The following SEMA4D variants were observed in gnomAD, a reference collection of about 807,000 sequenced individuals.
The protein encoded by SEMA4D is semaphorin-4D.
Under a neutral mutation model 74.8 loss-of-function variants are expected in SEMA4D, and 22 were observed. That is an observed-to-expected ratio of 0.29 (90% CI 0.21 to 0.42). SEMA4D has a LOEUF of 0.42. Among genes scored for constraint, SEMA4D ranks in the 10% least tolerant of loss-of-function variants. The pLI, the probability that SEMA4D is intolerant of heterozygous loss-of-function variation, is 1.00. For missense variants in SEMA4D, 937 were observed against 1,118.4 expected (o/e 0.84, Z 2.31); for synonymous variants, 445 against 463.7 (o/e 0.96, Z 0.52).
At chr9:89,371,112 G>T (rs1374559201) in intron 16 of SEMA4D, among the ~76,000 whole-genome samples, 3 of 93,716 alleles carry the variant, frequency 3.2e-5, no homozygotes, top group East Asian at 9.1e-4. Flanking sequence ...GGTGTGTGTG[G>T]GGGGGTGTGG....
chr9:89,437,916 G>GTATAGCTAC (rs1850811017), intron 2 of SEMA4D, among the ~76,000 whole-genome samples: 1 of 152,212 alleles, frequency 6.6e-6, no homozygotes, highest in Non-Finnish European at 1.5e-5. Flanking sequence ...CAGTCCCAAG[G>GTATAGCTAC]ATGAGCCATC....
downstream of SEMA4D, among the ~76,000 whole-genome samples, chr9:89,374,231 C>A (rs1835491586): frequency 1.3e-5 from 2 of 152,228 alleles, no homozygotes; most frequent in Admixed American, 6.5e-5. Flanking sequence ...TGGCAAAGGA[C>A]TGCCCTCCTC....
At chr9:89,489,212 T>G (rs1210925738) in intron 1 of SEMA4D, among the ~76,000 whole-genome samples, 14 of 152,228 alleles carry the variant, frequency 9.2e-5, no homozygotes, top group Admixed American at 9.2e-4. Flanking sequence ...GTTTGCCAGA[T>G]TTTTAATCAA....
Position 89,365,248 on chromosome 9 carries a change from T to C in SEMA4D, c.1883-1298A>G, listed in dbSNP as rs1380649217. On this transcript the variant is annotated intron_variant, in intron 16 of 18. Transcript: ENST00000339861. ...AGGCCCTGGAGGGCAGGTGAGGGGG[T>C]GCAGGTGCTCCTTCTGTCTCTGAAG... is the stretch of plus-strand genomic sequence containing the variant. The C allele has an allele frequency of 2.0e-5, 3 of 152,254 alleles. No individual in the cohort carries two copies. In the East Asian group the frequency reaches 5.8e-4, roughly 29 times the overall value. The allele number at this position is 152,254 out of a possible 1,614,324, so 9.4% of individuals were successfully genotyped here.
At chr9:89,398,466 C>T (rs1372484900) in intron 5 of SEMA4D, among the ~76,000 whole-genome samples, 1 of 152,210 alleles carries the variant, frequency 6.6e-6, no homozygotes, top group Non-Finnish European at 1.5e-5. Context: ...CTCCACCATC[C>T]TTTAAGTGTC....
chr9:89,477,271 C>A (rs1212947856), intron 1 of SEMA4D, among the ~76,000 whole-genome samples: 1 of 144,492 alleles, frequency 6.9e-6, no homozygotes, highest in Non-Finnish European at 1.6e-5. Context: ...CACACACACA[C>A]AAATGCTCAC....
At chr9:89,400,741 G>A (rs1040658141) in intron 4 of SEMA4D, among the ~76,000 whole-genome samples, 5 of 151,668 alleles carry the variant, frequency 3.3e-5, no homozygotes, top group South Asian at 2.1e-4. Flanking sequence ...TCTTGATCAC[G>A]TTTGCAGGGA....
At chr9:89,385,474 C>T in intron 13 of SEMA4D, 1 of 985,416 alleles carries the variant, frequency 1.0e-6, no homozygotes, top group Non-Finnish European at 1.2e-6. Context: ...ATCTCCAGGG[C>T]TCCCTTTGTG....
chr9:89,447,504 C>A (rs569140425), intron 2 of SEMA4D, among the ~76,000 whole-genome samples: 7 of 152,166 alleles, frequency 4.6e-5, no homozygotes, highest in African/African-American at 1.7e-4. Context: ...TGCTCCCCGA[C>A]CCCCACCATG....
At chr9:89,467,496 A>G (rs6559356) in intron 1 of SEMA4D, among the ~76,000 whole-genome samples, 118,171 of 138,966 alleles carry the variant, frequency 0.85, 50,994 homozygotes, top group Non-Finnish European at 0.93. Context: ...AATCCGGGGG[A>G]GTGGGGGAGG....
chr9:89,390,862 G>A, intron 9 of SEMA4D, among the ~76,000 whole-genome samples: 1 of 152,164 alleles, frequency 6.6e-6, no homozygotes, highest in East Asian at 1.9e-4. Context: ...TTAAAGATTT[G>A]TGTTTTGACA....
chr9:89,449,093 C>G (rs983519685), intron 2 of SEMA4D, among the ~76,000 whole-genome samples: 6 of 152,180 alleles, frequency 3.9e-5, no homozygotes, highest in African/African-American at 1.4e-4. Flanking sequence ...GCCCGGATAG[C>G]ACGGGGCCTT....
Position 89,379,336 on chromosome 9 carries a change from C to T in SEMA4D, c.1957G>A (p.Val653Ile), listed in dbSNP as rs753165801. The T allele has an allele frequency of 1.9e-5, 30 of 1,614,170 alleles. No homozygotes were observed. Among genetic ancestry groups the T allele is most frequent in the African/African-American group, 9.3e-5 (7 of 75,048 alleles). Reference protein sequence around the residue: ...VLEVKVVPKPVVAPTLSVVQT... With the variant: ...VLEVKVVPKPIVAPTLSVVQT... ...ACAACTGACAAGGTGGGGGCCACTA[C>T]GGGCTTTGGAACCACCTTCACTTCC... Residue 653 changes from valine to isoleucine, a missense_variant, in exon 16 of 16, where the codon GTA (valine) becomes ATA (isoleucine). By Grantham distance (29) the Val-to-Ile change is conservative. Transcript: ENST00000422704.
At chr9:89,373,287 C>T (rs1404471611), downstream of SEMA4D, among the ~76,000 whole-genome samples, 1 of 152,208 alleles carries the variant, frequency 6.6e-6, no homozygotes, top group African/African-American at 2.4e-5. Context: ...CACCCCGATC[C>T]CCTTTCAGGA....
intron 1 of SEMA4D, among the ~76,000 whole-genome samples, chr9:89,466,679 A>G (rs1434701661): frequency 6.6e-6 from 1 of 152,236 alleles, no homozygotes; most frequent in African/African-American, 2.4e-5. Context: ...TGCAATTAGT[A>G]CACAGTAATT....
At chr9:89,396,930 C>T (rs1841093775) in intron 5 of SEMA4D, 95 bp from the exon 6 acceptor site, 2 of 1,095,218 alleles carry the variant, frequency 1.8e-6, no homozygotes, top group Non-Finnish European at 2.7e-6. Context: ...GGGCACAGAC[C>T]CACATTCACC....
chr9:89,383,207 C>T (rs1837592210), intron 13 of SEMA4D, among the ~76,000 whole-genome samples: 1 of 152,134 alleles, frequency 6.6e-6, no homozygotes, highest in Non-Finnish European at 1.5e-5. Context: ...TCTGTCCCTG[C>T]AAATAAGCAT....
In SEMA4D at chr9:89,405,576, G is replaced by A; in HGVS notation, c.-120C>T. ...GGACCAGGGCCAGCAGCACAGCCTG[G>A]AGCTCGTGAACAGCGCGGTCCCTGA... On this transcript the variant is annotated 5_prime_UTR_variant, in exon 3 of 16. Coordinates refer to ENST00000422704, the MANE Select transcript of SEMA4D (RefSeq NM_001371194.2). The A allele has an allele frequency of 6.7e-7, 1 of 1,501,324 alleles. No homozygotes were observed. Among genetic ancestry groups the A allele is most frequent in the Non-Finnish European group, 8.9e-7 (1 of 1,128,964 alleles). The allele number at this position is 1,501,324 out of a possible 1,614,324, so 93.0% of individuals were successfully genotyped here.
At position 89,363,470 on chromosome 9, in the gene SEMA4D, C is replaced by G. The variant is rs757346672; in HGVS notation, c.2150G>C (p.Gly717Ala). The change falls in exon 18 of 19, where the codon GGG becomes GCG. Residue 717 changes from glycine to alanine, a missense_variant. Transcript: ENST00000339861. ...GCTCTGCATCATCCGGTCGTGCTCC[C>G]CAGCCACAGCCCTCCAGGCAGAGAG... 3 of 1,614,066 alleles carry G rather than the reference C, an allele frequency of 1.9e-6. No homozygotes were observed. The East Asian group carries it at 6.7e-5, about 36-fold the overall frequency.
Sources: allele counts gnomAD v4.1 joint callset (sites outside exome capture counted in the v4.1 genomes callset), GRCh38; gene constraint gnomAD v4.1.1; transcripts MANE v1.5; gene names NCBI Gene and HGNC (gene_info 2026-07-23, HGNC 2026-07-21).